ADAM11: variants seen among roughly 807,000 people sequenced by gnomAD.
The protein encoded by ADAM11 is disintegrin and metalloproteinase domain-containing protein 11.
Under a neutral mutation model 119.1 loss-of-function variants are expected in ADAM11, and 49 were observed. That is an observed-to-expected ratio of 0.41 (90% CI 0.33 to 0.52). The LOEUF (loss-of-function observed/expected upper bound fraction) is 0.52. ADAM11 is among the 20% of genes least tolerant of loss of function. ADAM11 has a pLI of 0.20. For missense variants in ADAM11, 777 were observed against 1,047.5 expected, an observed-to-expected ratio of 0.74 and a Z score of 3.56; for synonymous variants, 364 against 408.0, an observed-to-expected ratio of 0.89 and a Z score of 1.30.
rs998192856 is a variant in ADAM11, at chr17:44,775,781, G to T, written c.1485+105G>T. On this transcript the variant is annotated intron_variant, in intron 17 of 26. Coordinates refer to ENST00000200557, the MANE Select transcript of ADAM11 (RefSeq NM_002390.6). This position sits in a 1 kb window ranked among gnomAD's most constrained non-coding sequence, Gnocchi z 7.5. Reference sequence around the variant, plus strand: ...GGAGGGAAGCGGAGCCTTCGGGGACGAAGGCCTCTGGGGCAGGGCTTGATG... The same window carrying T: ...GGAGGGAAGCGGAGCCTTCGGGGACTAAGGCCTCTGGGGCAGGGCTTGATG... 9 of 1,197,468 alleles carry T rather than the reference G, an allele frequency of 7.5e-6. No individual in the cohort carries two copies. In the East Asian group the frequency reaches 1.5e-4, roughly 20 times the overall value. The allele number at this position is 1,197,468 out of a possible 1,614,324, so 74.2% of individuals were successfully genotyped here. A position where few individuals can be genotyped will look rare whatever the true frequency, so the allele number is the denominator to read the frequency against.
rs1164718579 is a variant in ADAM11 at position 44,776,010 on chromosome 17, G to C, written c.1486-117G>C. ...AGGGAAATAAGAACAGGCCTGAAAC[G>C]GGGCCCTGGGGAGCTGGAGGGCCCG... On this transcript the variant is annotated intron_variant, in intron 17 of 26. Transcript: ENST00000200557. The surrounding 1 kb of genome is among the most constrained non-coding windows in gnomAD (Gnocchi z 5.2). 4 of 1,182,620 alleles carry C rather than the reference G, an allele frequency of 3.4e-6. No individual in the cohort carries two copies. Among genetic ancestry groups the C allele is most frequent in the Non-Finnish European group, 3.7e-6 (3 of 812,252 alleles). The allele number at this position is 1,182,620 out of a possible 1,614,324, so 73.3% of individuals were successfully genotyped here.
chr17:44,759,736 G>C lies in ADAM11; in HGVS notation c.76G>C (p.Gly26Arg). The C allele has an allele frequency of 7.6e-7, 1 of 1,324,284 alleles. No homozygotes were observed. Among genetic ancestry groups the C allele is most frequent in the Non-Finnish European group, 9.7e-7 (1 of 1,029,410 alleles). 82.0% of individuals were successfully genotyped at this position (1,324,284 alleles called of 1,614,324 possible). The change falls in exon 2 of 27, where the codon GGT becomes CGT. Residue 26 changes from glycine to arginine, a missense_variant. Coordinates refer to ENST00000200557, the MANE Select transcript of ADAM11 (RefSeq NM_002390.6). ...LLPTPGLGTQGPAGALRWGGL... is the reference protein window; with the variant it reads ...LLPTPGLGTQRPAGALRWGGL... ...TGTTTCCCCAGGTCTTGGGACCCAA[G>C]GTCCTGCTGGAGCTCTGCGATGGGG...
intron 11 of ADAM11, 23 bp from the exon 12 acceptor site, chr17:44,774,271 TC>T: frequency 6.9e-7 from 1 of 1,439,368 alleles, no homozygotes. Context: ...CAGGAGGCCA[TC>T]CTGACAGCGC....
intron 4 of ADAM11, among the ~76,000 whole-genome samples, chr17:44,771,297 C>CAAAA (rs5820551): frequency 8.3e-6 from 1 of 120,452 alleles, no homozygotes; most frequent in Non-Finnish European, 1.7e-5. Context: ...GACCCTGTCT[C>CAAAA]AAAAAAAAAA....
Position 44,769,962 on chromosome 17 carries a change from TG to T in ADAM11, c.315-19del. 6.2e-7 allele frequency: 1 copy of T among 1,613,936 alleles called. No individual in the cohort carries two copies. The highest frequency in any genetic ancestry group is 8.5e-7 in the Non-Finnish European group (1 of 1,179,866). On this transcript the variant is annotated intron_variant, in intron 3 of 26. Coordinates refer to ENST00000200557, the MANE Select transcript of ADAM11 (RefSeq NM_002390.6). The stretch of plus-strand genomic sequence containing the variant: ...TCACCTCGCCCGTGACCCCCCTTCC[TG>T]CTGCCCCCTCTGTCTCAGCCACCTC...
In ADAM11 at chr17:44,780,559, G is replaced by GT. The variant is rs1328002744; in HGVS notation, c.*805_*806insT. The GT allele has an allele frequency of 1.0e-5, 2 of 195,768 alleles. No individual in the cohort carries two copies. The highest frequency in any genetic ancestry group is 2.1e-5 in the Non-Finnish European group (2 of 96,678). The allele number at this position is 195,768 out of a possible 1,614,324, so 12.1% of individuals were successfully genotyped here. On this transcript the variant is annotated 3_prime_UTR_variant, in exon 27 of 27. Coordinates refer to ENST00000200557, the MANE Select transcript of ADAM11 (RefSeq NM_002390.6). ...GGACACATGGATTTTGGCAGGGCGG[G>GT]GGGGGTTCTAGAAAATATAGTTCCT... is the stretch of plus-strand genomic sequence containing the variant.
chr17:44,766,586 A>G (rs766467365), intron 2 of ADAM11, among the ~76,000 whole-genome samples: 1 of 152,142 alleles, frequency 6.6e-6, no homozygotes, highest in Non-Finnish European at 1.5e-5. Flanking sequence ...CCCCAGGGTG[A>G]GATCCAGCCC....
intron 2 of ADAM11, among the ~76,000 whole-genome samples, chr17:44,765,144 CT>C (rs1241287786): frequency 2.0e-5 from 3 of 150,068 alleles, no homozygotes; most frequent in African/African-American, 7.4e-5. Flanking sequence ...TTCTCATTGC[CT>C]GGGAATCCCG....
chr17:44,774,375 A>G lies in ADAM11; in HGVS notation c.1073A>G (p.Asn358Ser). 6.7e-7 allele frequency: 1 copy of G among 1,487,472 alleles called. No homozygotes were observed. Among genetic ancestry groups the G allele is most frequent in the Non-Finnish European group, 9.0e-7 (1 of 1,109,086 alleles). 92.1% of individuals were successfully genotyped at this position (1,487,472 alleles called of 1,614,324 possible). The part of the protein sequence containing the change: ...ICSLSHGGGV[N>S]EYGNMGAMAV... Reference sequence around the variant, plus strand: ...TCCCTGTCCCACGGCGGGGGTGTGAACGAGGTGAGCAGTGGGGGGACATGG... The same window carrying G: ...TCCCTGTCCCACGGCGGGGGTGTGAGCGAGGTGAGCAGTGGGGGGACATGG... The change falls in exon 12 of 27, where the codon AAC becomes AGC. Residue 358 changes from asparagine (N) to serine (S), a missense_variant. This residue lies in a region of ADAM11 where 147 missense variants were observed against 223.3 expected (regional missense o/e 0.66). Coordinates refer to ENST00000200557, the MANE Select transcript of ADAM11 (RefSeq NM_002390.6).
intron 2 of ADAM11, among the ~76,000 whole-genome samples, chr17:44,764,327 A>G (rs2049422744): frequency 6.6e-6 from 1 of 152,182 alleles, no homozygotes. Context: ...AGAAAGGCGG[A>G]GGGCAGTTGA....
Position 44,777,540 on chromosome 17 carries a change from G to A in ADAM11, c.1840G>A (p.Asp614Asn). The A allele has an allele frequency of 6.2e-7, 1 of 1,614,196 alleles. No homozygotes were observed. Among genetic ancestry groups the A allele is most frequent in the Non-Finnish European group, 8.5e-7 (1 of 1,180,030 alleles). The stretch of plus-strand genomic sequence containing the variant: ...CATCTCTGGAGCTCCTCGGCTAGGG[G>A]ACCTGGTGGGAGACATCAGTAGTGT... Reference protein sequence around the residue: ...VNISGAPRLGDLVGDISSVTF... With the variant: ...VNISGAPRLGNLVGDISSVTF... The change falls in exon 22 of 27, where the codon GAC becomes AAC. Residue 614 changes from aspartate to asparagine, a missense_variant. Physicochemically the swap from Asp to Asn is conservative, Grantham distance 23 (BLOSUM62 1). This residue lies in a region of ADAM11 where 348 missense variants were observed against 486.7 expected (regional missense o/e 0.72). Transcript: ENST00000200557. The surrounding 1 kb of genome is among the most constrained non-coding windows in gnomAD (Gnocchi z 5.1).
chr17:44,774,444 G>A, intron 12 of ADAM11, 48 bp from the exon 13 acceptor site: 1 of 1,599,066 alleles, frequency 6.3e-7, no homozygotes, highest in South Asian at 1.1e-5. Context: ...GGCACGACGT[G>A]CCTGTTGGAA....
chr17:44,759,204 G>T lies in ADAM11; in HGVS notation c.5G>T (p.Arg2Met). 1 of 1,423,952 alleles carries T rather than the reference G, an allele frequency of 7.0e-7. No individual in the cohort carries two copies. Among genetic ancestry groups the T allele is most frequent in the Non-Finnish European group, 9.2e-7 (1 of 1,089,114 alleles). 88.2% of individuals were successfully genotyped at this position (1,423,952 alleles called of 1,614,324 possible). A position where few individuals can be genotyped will look rare whatever the true frequency, so the allele number is the denominator to read the frequency against. Reference protein sequence around the residue: MRLLRRWAFAAL... With the variant: MMLLRRWAFAAL... The stretch of plus-strand genomic sequence containing the variant: ...ACCGGGAGGAATGAGCGAGCCATGA[G>T]GCTGCTGCGGCGCTGGGCGTTCGCG... Residue 2 changes from arginine to methionine, a missense_variant, in exon 1 of 27, where the codon AGG becomes ATG. This residue lies in a region of ADAM11 where 278 missense variants were observed against 310.1 expected (regional missense o/e 0.90). Transcript: ENST00000200557.
chr17:44,776,978 G>C lies in ADAM11; in HGVS notation c.1681+16G>C. ...TGGGGCCATGGTGAGTCTGGCTAGG[G>C]CTGGGAGTGGGGACTCCGGAGGACC... On this transcript the variant is annotated intron_variant, in intron 20 of 26. Coordinates refer to ENST00000200557, the MANE Select transcript of ADAM11 (RefSeq NM_002390.6). The surrounding 1 kb of genome is among the most constrained non-coding windows in gnomAD (Gnocchi z 5.2). 6.2e-7 allele frequency: 1 copy of C among 1,608,534 alleles called. No individual in the cohort carries two copies. The highest frequency in any genetic ancestry group is 8.5e-7 in the Non-Finnish European group (1 of 1,175,578).
At chr17:44,774,794 A>T (rs2049576369) in intron 14 of ADAM11, 45 bp downstream of exon 14, 9 of 1,579,914 alleles carry the variant, frequency 5.7e-6, no homozygotes, top group Non-Finnish European at 6.8e-6. Context: ...GGGCGAGGGG[A>T]GTCTTAGAGC....
chr17:44,774,210 G>A, intron 11 of ADAM11, 85 bp from the exon 12 acceptor site: 1 of 856,728 alleles, frequency 1.2e-6, no homozygotes, highest in Non-Finnish European at 1.7e-6. Flanking sequence ...GGACTCTAGT[G>A]TGAGGGGCTC....
chr17:44,771,277 G>A (rs1178668781), intron 4 of ADAM11, among the ~76,000 whole-genome samples: 1 of 145,590 alleles, frequency 6.9e-6, no homozygotes, highest in Non-Finnish European at 1.5e-5. Flanking sequence ...TCCAGCTTGA[G>A]CGACAGCAAG....
In ADAM11 at chr17:44,778,713, A is replaced by AAAAAAAAAAAAAAAAAAAAAAAAAG. The variant is rs71136047; in HGVS notation, c.2276+471_2276+472insAAAAAAAAAAAAAAAAAAAAAAAAG. On this transcript the variant is annotated intron_variant, in intron 25 of 26. Transcript: ENST00000200557. The stretch of plus-strand genomic sequence containing the variant: ...CAAAAAAAAAAAAAAAAAAAAAAAA[A>AAAAAAAAAAAAAAAAAAAAAAAAAG]GAAAGAAAGAGAGAAAGAAAAGAAA... 4.0e-4 allele frequency among the ~76,000 whole-genome samples: 32 copies of AAAAAAAAAAAAAAAAAAAAAAAAAG among 80,468 alleles called. 7 individuals are homozygous for AAAAAAAAAAAAAAAAAAAAAAAAAG. Among genetic ancestry groups the AAAAAAAAAAAAAAAAAAAAAAAAAG allele is most frequent in the Admixed American group, 5.4e-4 (3 of 5,596 alleles). The allele number at this position is 80,468 out of a possible 152,430, so 52.8% of individuals were successfully genotyped here.
intron 2 of ADAM11, among the ~76,000 whole-genome samples, chr17:44,761,520 G>A (rs1039710522): frequency 1.3e-5 from 2 of 152,092 alleles, no homozygotes; most frequent in African/African-American, 4.8e-5. Context: ...CATGTGAGGT[G>A]TGTATGTGAT....
Sources: allele counts gnomAD v4.1 joint callset (sites outside exome capture counted in the v4.1 genomes callset), GRCh38; gene constraint gnomAD v4.1.1; regional missense constraint gnomAD v4.1.1; non-coding constraint Gnocchi (gnomAD v3.1); transcripts MANE v1.5; gene names NCBI Gene and HGNC (gene_info 2026-07-23, HGNC 2026-07-21).